The following TMEFF2 variants were observed in gnomAD, a reference collection of about 807,000 sequenced individuals.
TMEFF2 encodes the protein tomoregulin-2.
In TMEFF2, 28 loss-of-function variants were observed where a neutral mutation model predicts 53.8. The ratio of observed to expected loss-of-function variants is 0.52; its 90% confidence interval spans 0.39 to 0.71. The LOEUF is 0.71. Among genes scored for constraint, TMEFF2 ranks in the 30% least tolerant of loss-of-function variants. The pLI is 0.00. For synonymous variants in TMEFF2, 162 were observed against 166.3 expected (o/e 0.97, Z 0.20); for missense variants, 353 against 455.2 (o/e 0.78, Z 2.04).
chr2:192,022,563 C>T (rs1466130082), intron 5 of TMEFF2, among the ~76,000 whole-genome samples: 1 of 152,134 alleles, frequency 6.6e-6, no homozygotes. Flanking sequence ...TTTGGTAGAA[C>T]CCTTCTGATA....
At chr2:192,148,350 A>T (rs573890961) in intron 4 of TMEFF2, among the ~76,000 whole-genome samples, 1 of 152,158 alleles carries the variant, frequency 6.6e-6, no homozygotes, top group African/African-American at 2.4e-5. Context: ...CAGAAGGGAA[A>T]GGCAAGGTTT....
intron 4 of TMEFF2, among the ~76,000 whole-genome samples, chr2:192,135,398 C>T (rs1005490747): frequency 1.3e-5 from 2 of 152,032 alleles, no homozygotes; most frequent in Non-Finnish European, 2.9e-5. Context: ...TCTCTTATTC[C>T]ATTTAGTTTT....
intron 2 of TMEFF2, among the ~76,000 whole-genome samples, chr2:192,190,176 G>A (rs528207033): frequency 2.4e-4 from 36 of 151,728 alleles, no homozygotes; most frequent in East Asian, 1.4e-3. Flanking sequence ...TTTTCATTTC[G>A]TAGCATTCAT....
At chr2:192,187,144 C>T (rs1429406462) in intron 2 of TMEFF2, among the ~76,000 whole-genome samples, 5 of 152,080 alleles carry the variant, frequency 3.3e-5, no homozygotes, top group Non-Finnish European at 4.4e-5. Flanking sequence ...TGAAAGCTCA[C>T]GAGTGGGAGT....
chr2:192,125,118 A>G (rs1695357387), intron 4 of TMEFF2, among the ~76,000 whole-genome samples: 2 of 152,226 alleles, frequency 1.3e-5, no homozygotes, highest in South Asian at 4.1e-4. Context: ...ATGAAATTAT[A>G]TAGAACAGAA....
chr2:192,053,674 G>A (rs1687827989), intron 5 of TMEFF2, among the ~76,000 whole-genome samples: 2 of 152,212 alleles, frequency 1.3e-5, no homozygotes, highest in South Asian at 4.1e-4. Context: ...TTTTATGTTT[G>A]AGAGAACCTG....
At chr2:191,977,738 AGT>A (rs1685766730) in intron 7 of TMEFF2, among the ~76,000 whole-genome samples, 1 of 152,236 alleles carries the variant, frequency 6.6e-6, no homozygotes, top group Non-Finnish European at 1.5e-5. Context: ...TATGACTTGA[AGT>A]GTATCTCATC....
intron 4 of TMEFF2, among the ~76,000 whole-genome samples, chr2:192,076,031 C>G (rs1688424639): frequency 3.3e-5 from 5 of 151,824 alleles, no homozygotes; most frequent in African/African-American, 9.7e-5. Context: ...TCTGTGGTCT[C>G]TCTGTGGGCA....
intron 4 of TMEFF2, among the ~76,000 whole-genome samples, chr2:192,077,820 A>G (rs1688467243): frequency 6.6e-6 from 1 of 152,068 alleles, no homozygotes; most frequent in African/African-American, 2.4e-5. Context: ...ATATGTTTAT[A>G]TATATAAGCA....
intron 5 of TMEFF2, among the ~76,000 whole-genome samples, chr2:192,057,468 C>G (rs185210875): frequency 2.6e-5 from 4 of 152,178 alleles, no homozygotes; most frequent in Admixed American, 2.6e-4. Flanking sequence ...TTTAGTGTGC[C>G]TTATCAAGTA....
At chr2:192,001,542 T>C (rs893855369) in intron 5 of TMEFF2, among the ~76,000 whole-genome samples, 1 of 152,110 alleles carries the variant, frequency 6.6e-6, no homozygotes, top group African/African-American at 2.4e-5. Context: ...GATGGTGATA[T>C]AGTTTGTCTG....
intron 8 of TMEFF2, among the ~76,000 whole-genome samples, chr2:191,955,315 A>G (rs1242302008): frequency 1.3e-5 from 2 of 151,478 alleles, no homozygotes; most frequent in Admixed American, 1.3e-4. Flanking sequence ...AAATAATTAT[A>G]TTTTAGACAT....
intron 4 of TMEFF2, among the ~76,000 whole-genome samples, chr2:192,107,939 A>T (rs959334831): frequency 3.4e-5 from 5 of 148,090 alleles, no homozygotes; most frequent in East Asian, 4.0e-4. Context: ...CAAAGATAGA[A>T]ACAATATAAC....
intron 4 of TMEFF2, among the ~76,000 whole-genome samples, chr2:192,139,857 G>A (rs1690095747): frequency 6.6e-6 from 1 of 152,158 alleles, no homozygotes; most frequent in African/African-American, 2.4e-5. Context: ...CTATAGAAGA[G>A]CCCTACTTTA....
intron 7 of TMEFF2, among the ~76,000 whole-genome samples, chr2:191,966,930 A>G (rs1001928212): frequency 1.8e-4 from 27 of 152,132 alleles, no homozygotes; most frequent in African/African-American, 6.5e-4. Context: ...TATAGCTTTT[A>G]CTCTTCAATA....
intron 7 of TMEFF2, among the ~76,000 whole-genome samples, chr2:191,979,217 C>T (rs1209943024): frequency 6.6e-6 from 1 of 152,144 alleles, no homozygotes; most frequent in Non-Finnish European, 1.5e-5. Context: ...ACCTGAAAAA[C>T]AATTCTGGCA....
At chr2:192,051,095 A>G (rs550398467) in intron 5 of TMEFF2, among the ~76,000 whole-genome samples, 5 of 152,280 alleles carry the variant, frequency 3.3e-5, no homozygotes, top group African/African-American at 1.2e-4. Flanking sequence ...TTCAAGGTGG[A>G]GATAAGAGGT....
At chr2:192,091,669 T>C (rs1688793304) in intron 4 of TMEFF2, among the ~76,000 whole-genome samples, 1 of 152,128 alleles carries the variant, frequency 6.6e-6, no homozygotes, top group Non-Finnish European at 1.5e-5. Context: ...ATTACGTCAC[T>C]TTATGGGCAG....
At chr2:192,034,423 G>C (rs1687230437) in intron 5 of TMEFF2, among the ~76,000 whole-genome samples, 1 of 151,644 alleles carries the variant, frequency 6.6e-6, no homozygotes, top group African/African-American at 2.4e-5. Flanking sequence ...CCTCCATGGG[G>C]AAAAAAAATC....
Sources: allele counts gnomAD v4.1 joint callset (sites outside exome capture counted in the v4.1 genomes callset), GRCh38; gene constraint gnomAD v4.1.1; transcripts MANE v1.5; gene names NCBI Gene and HGNC (gene_info 2026-07-23, HGNC 2026-07-21).